ARL8A: variants seen among roughly 807,000 people sequenced by gnomAD.
ARL8A encodes ARF like GTPase 8A.
Under a neutral mutation model 31.2 loss-of-function variants are expected in ARL8A, and 10 were observed. The observed-to-expected ratio is 0.32, with a 90% CI of 0.20 to 0.54. The LOEUF is 0.54. Ranked by LOEUF, ARL8A falls within the 20% of genes least tolerant of loss-of-function variation. ARL8A has a pLI of 0.93. For missense variants in ARL8A, 129 were observed against 242.8 expected (o/e 0.53, Z 3.12); for synonymous variants, 70 against 86.9 (o/e 0.81, Z 1.08).
intron 3 of ARL8A, among the ~76,000 whole-genome samples, chr1:202,136,842 A>G (rs1450927231): frequency 6.6e-6 from 1 of 151,278 alleles, no homozygotes; most frequent in Non-Finnish European, 1.5e-5. Context: ...GTGCCCTGCC[A>G]TTTTTCTTTT....
At chr1:202,141,831 T>C (rs1655172085) in intron 1 of ARL8A, among the ~76,000 whole-genome samples, 3 of 151,586 alleles carry the variant, frequency 2.0e-5, no homozygotes, top group Admixed American at 2.0e-4. Flanking sequence ...TTTTCTAGCA[T>C]CACAACTTTT....
intron 3 of ARL8A, 65 bp downstream of exon 3, chr1:202,137,900 C>T (rs1263583340): frequency 3.8e-6 from 6 of 1,573,860 alleles, no homozygotes; most frequent in African/African-American, 2.7e-5. Context: ...CTGAGGTCCT[C>T]GAAGGTAGCA....
chr1:202,137,842 G>A (rs935017760), intron 3 of ARL8A, 123 bp downstream of exon 3: 48 of 1,080,058 alleles, frequency 4.4e-5, no homozygotes, highest in African/African-American at 4.4e-4. Context: ...GCCCTGGACC[G>A]ACACTGTGTC....
rs570290712 is a variant in ARL8A at position 202,137,528 on chromosome 1, G to A, written c.278+437C>T. On this transcript the variant is annotated intron_variant, in intron 3 of 6. Coordinates refer to ENST00000272217, the MANE Select transcript of ARL8A (RefSeq NM_138795.4). Reference sequence around the variant, plus strand: ...TGTAATCCCAGCTACTTGGGATGCTGAAGTGGGAGAATCGCTTGAACCTGG... The same window carrying A: ...TGTAATCCCAGCTACTTGGGATGCTAAAGTGGGAGAATCGCTTGAACCTGG... 5.9e-5 allele frequency among the ~76,000 whole-genome samples: 9 copies of A among 152,156 alleles called. No individual in the cohort carries two copies. The East Asian group carries it at 1.6e-3, about 26-fold the overall frequency.
chr1:202,136,869 T>C (rs1478169988), intron 3 of ARL8A, among the ~76,000 whole-genome samples: 1 of 152,108 alleles, frequency 6.6e-6, no homozygotes, highest in African/African-American at 2.4e-5. Flanking sequence ...TTTTCCTTTT[T>C]TTTGAGACAG....
Position 202,134,660 on chromosome 1 carries a change from C to T in ARL8A, c.512-144G>A. 1.3e-6 allele frequency: 1 copy of T among 753,700 alleles called. No individual in the cohort carries two copies. The highest frequency in any genetic ancestry group is 2.3e-6 in the Non-Finnish European group (1 of 428,444). The allele number at this position is 753,700 out of a possible 1,614,324, so 46.7% of individuals were successfully genotyped here. A position where few individuals can be genotyped will look rare whatever the true frequency, so the allele number is the denominator to read the frequency against. On this transcript the variant is annotated intron_variant, in intron 6 of 6. Transcript: ENST00000272217. The surrounding 1 kb of genome is among the most constrained non-coding windows in gnomAD (Gnocchi z 4.2). ...TGGCGCACACCTGGAGTCTCAGCTA[C>T]ATGGGAAGCTCAGGTGAGAGGATTG...
In ARL8A at chr1:202,135,283, G is replaced by C; in HGVS notation, c.441-63C>G. 3.9e-6 allele frequency: 6 copies of C among 1,542,122 alleles called. No homozygotes were observed. Among genetic ancestry groups the C allele is most frequent in the Non-Finnish European group, 1.8e-6 (2 of 1,115,032 alleles). On this transcript the variant is annotated intron_variant, in intron 5 of 6. Coordinates refer to ENST00000272217, the MANE Select transcript of ARL8A (RefSeq NM_138795.4). This position sits in a 1 kb window ranked among gnomAD's most constrained non-coding sequence, Gnocchi z 5.3. ...ACGTCCAGGGGGCCTGGGGCTAGGG[G>C]ACAGCGGGGCCTTTTTCTTACCTAA... is the stretch of plus-strand genomic sequence containing the variant.
rs753018679 is a variant in ARL8A, at chr1:202,138,056, G to A, written c.205-18C>T. The A allele has an allele frequency of 3.1e-6, 5 of 1,613,882 alleles. No homozygotes were observed. Among genetic ancestry groups the A allele is most frequent in the Non-Finnish European group, 4.2e-6 (5 of 1,180,002 alleles). ...TCCCAGAGCTGAGCAAGAAGAGGGT[G>A]AGATAGCCTCAGTAGTGGGCAGGCC... is the stretch of plus-strand genomic sequence containing the variant. On this transcript the variant is annotated intron_variant, in intron 2 of 6. Transcript: ENST00000272217. The surrounding 1 kb of genome is among the most constrained non-coding windows in gnomAD (Gnocchi z 4.4).
intron 1 of ARL8A, among the ~76,000 whole-genome samples, chr1:202,142,360 T>A (rs1351885193): frequency 5.3e-5 from 8 of 152,154 alleles, no homozygotes; most frequent in African/African-American, 1.9e-4. Context: ...AGAAATTCAG[T>A]GGTAGGCATG....
chr1:202,136,662 T>G (rs891305052), intron 3 of ARL8A, among the ~76,000 whole-genome samples: 12 of 152,142 alleles, frequency 7.9e-5, no homozygotes, highest in Admixed American at 2.0e-4. Context: ...CTCGGCTTCC[T>G]GGACTCAAGA....
In ARL8A at chr1:202,135,282, G is replaced by T; in HGVS notation, c.441-62C>A. 6.5e-7 allele frequency: 1 copy of T among 1,542,258 alleles called. No individual in the cohort carries two copies. The highest frequency in any genetic ancestry group is 9.0e-7 in the Non-Finnish European group (1 of 1,115,182). ...AACGTCCAGGGGGCCTGGGGCTAGG[G>T]GACAGCGGGGCCTTTTTCTTACCTA... On this transcript the variant is annotated intron_variant, in intron 5 of 6. Coordinates refer to ENST00000272217, the MANE Select transcript of ARL8A (RefSeq NM_138795.4). The surrounding 1 kb of genome is among the most constrained non-coding windows in gnomAD (Gnocchi z 5.3).
At position 202,135,127 on chromosome 1, in the gene ARL8A, T is replaced by C. The variant is rs769401334; in HGVS notation, c.511+23A>G. 3.1e-6 allele frequency: 5 copies of C among 1,606,996 alleles called. No individual in the cohort carries two copies. The African/African-American group carries it at 6.7e-5, about 22-fold the overall frequency. On this transcript the variant is annotated intron_variant, in intron 6 of 6. Transcript: ENST00000272217. This position sits in a 1 kb window ranked among gnomAD's most constrained non-coding sequence, Gnocchi z 5.3. ...ACTCAGAAATGCCTCTCCCCTCTCC[T>C]CCCTTTCCCCCATCCTACGCACCAA...
At chr1:202,136,894 G>A (rs557044051) in intron 3 of ARL8A, among the ~76,000 whole-genome samples, 3 of 149,676 alleles carry the variant, frequency 2.0e-5, no homozygotes, top group African/African-American at 4.9e-5. Flanking sequence ...TCGCTTTGTC[G>A]CCCAGGCTGG....
chr1:202,137,146 G>A (rs957404489), intron 3 of ARL8A, among the ~76,000 whole-genome samples: 9 of 147,948 alleles, frequency 6.1e-5, no homozygotes, highest in African/African-American at 9.9e-5. Flanking sequence ...GTGAGCCACC[G>A]CGCCCAGCCC....
chr1:202,139,568 G>C (rs1461548636), intron 1 of ARL8A, among the ~76,000 whole-genome samples: 1 of 148,688 alleles, frequency 6.7e-6, no homozygotes, highest in Non-Finnish European at 1.5e-5. Context: ...GCAAGACTCC[G>C]GCTTGAGAAA....
chr1:202,136,392 G>A (rs1655006565), intron 3 of ARL8A, among the ~76,000 whole-genome samples: 1 of 151,816 alleles, frequency 6.6e-6, no homozygotes, highest in Non-Finnish European at 1.5e-5. Flanking sequence ...CGATTCTCCT[G>A]CCTCAACCTC....
Position 202,135,146 on chromosome 1 carries a change from G to C in ARL8A, c.511+4C>G. ...CTCTCCTCCCTTTCCCCCATCCTAC[G>C]CACCAATGTTGTCCTTTTCTTTGCA... is the stretch of plus-strand genomic sequence containing the variant. On this transcript the variant is annotated splice_donor_region_variant and intron_variant, in intron 6 of 6. Transcript: ENST00000272217. This position sits in a 1 kb window ranked among gnomAD's most constrained non-coding sequence, Gnocchi z 5.3. 6.2e-7 allele frequency: 1 copy of C among 1,612,692 alleles called. No homozygotes were observed. The highest frequency in any genetic ancestry group is 8.5e-7 in the Non-Finnish European group (1 of 1,178,824).
chr1:202,142,465 C>T (rs917549127), intron 1 of ARL8A, among the ~76,000 whole-genome samples: 2 of 152,188 alleles, frequency 1.3e-5, no homozygotes, highest in African/African-American at 4.8e-5. Flanking sequence ...AGTGTGGTAG[C>T]CCCAGAGGAT....
Position 202,144,645 on chromosome 1 carries a change from C to A in ARL8A, c.-73G>T. 1 of 1,212,908 alleles carries A rather than the reference C, an allele frequency of 8.2e-7. No individual in the cohort carries two copies. The highest frequency in any genetic ancestry group is 1.0e-6 in the Non-Finnish European group (1 of 962,028). The allele number at this position is 1,212,908 out of a possible 1,614,324, so 75.1% of individuals were successfully genotyped here. A position where few individuals can be genotyped will look rare whatever the true frequency, so the allele number is the denominator to read the frequency against. On this transcript the variant is annotated 5_prime_UTR_variant, in exon 1 of 7. Transcript: ENST00000272217. This position sits in a 1 kb window ranked among gnomAD's most constrained non-coding sequence, Gnocchi z 5.2. ...GCTGCCCTCGCGCTGCGGCCCGGAG[C>A]GGCCCCTCCCCGGTACGGCCCGGGT... is the stretch of plus-strand genomic sequence containing the variant.
Sources: allele counts gnomAD v4.1 joint callset (sites outside exome capture counted in the v4.1 genomes callset), GRCh38; gene constraint gnomAD v4.1.1; non-coding constraint Gnocchi (gnomAD v3.1); transcripts MANE v1.5; gene names NCBI Gene and HGNC (gene_info 2026-07-23, HGNC 2026-07-21).